BANK1: variants seen among roughly 807,000 people sequenced by gnomAD.
BANK1 encodes the protein B-cell scaffold protein with ankyrin repeats.
BANK1 carries 95 observed loss-of-function variants against 94.5 expected under a neutral mutation model. That is an observed-to-expected ratio of 1.00 (90% CI 0.85 to 1.19). The LOEUF (loss-of-function observed/expected upper bound fraction) is 1.19, where lower values mean the gene tolerates loss of function less well. Among genes scored for constraint, BANK1 ranks in the 50% most tolerant of loss-of-function variants. BANK1 has a pLI of 0.00. For synonymous variants in BANK1, 334 were observed against 308.4 expected, an observed-to-expected ratio of 1.08 and a Z score of -0.87; for missense variants, 987 against 932.2, an observed-to-expected ratio of 1.06 and a Z score of -0.77.
intron 2 of BANK1, among the ~76,000 whole-genome samples, chr4:101,841,089 G>T (rs1390779342): frequency 1.3e-5 from 2 of 152,076 alleles, no homozygotes; most frequent in Non-Finnish European, 1.5e-5. Context: ...ACCTCCCAAA[G>T]TGCTGGGATT....
At chr4:102,035,090 G>T (rs1215858685) in intron 10 of BANK1, among the ~76,000 whole-genome samples, 3 of 152,086 alleles carry the variant, frequency 2.0e-5, no homozygotes, top group Non-Finnish European at 4.4e-5. Context: ...CATCAGTGTG[G>T]GTAGAACAGA....
At chr4:101,999,765 G>A (rs1329931588) in intron 7 of BANK1, among the ~76,000 whole-genome samples, 1 of 152,124 alleles carries the variant, frequency 6.6e-6, no homozygotes, top group African/African-American at 2.4e-5. Context: ...AGTCTTGGAG[G>A]GGGAAAGGAG....
chr4:101,948,425 G>A (rs1018419427), intron 7 of BANK1, among the ~76,000 whole-genome samples: 3 of 152,080 alleles, frequency 2.0e-5, no homozygotes, highest in African/African-American at 4.8e-5. Flanking sequence ...TTGACACTCA[G>A]ATCTGCAAAT....
chr4:101,792,257 C>CA (rs945821321), intron 1 of BANK1, among the ~76,000 whole-genome samples: 1 of 136,938 alleles, frequency 7.3e-6, no homozygotes, highest in African/African-American at 2.6e-5. Context: ...CATTCCGCTC[C>CA]CCCCCCGCCC....
chr4:101,849,926 A>G (rs961032000), intron 2 of BANK1, among the ~76,000 whole-genome samples: 4 of 152,190 alleles, frequency 2.6e-5, no homozygotes, highest in African/African-American at 7.2e-5. Context: ...GATACAAAAT[A>G]CTATATTCTC....
intron 7 of BANK1, among the ~76,000 whole-genome samples, chr4:101,948,597 C>A (rs1386014622): frequency 6.6e-6 from 1 of 152,052 alleles, no homozygotes; most frequent in Non-Finnish European, 1.5e-5. Flanking sequence ...CCTTTTTCTT[C>A]TATCTAAAAT....
Position 101,846,803 on chromosome 4 carries a change from G to A in BANK1, c.470-8232G>A, listed in dbSNP as rs1260060133. On this transcript the variant is annotated intron_variant, in intron 2 of 16. Coordinates refer to ENST00000322953, the MANE Select transcript of BANK1 (RefSeq NM_017935.5). ...CCTTAACACCTGGGGATTACAATTCGAGATGAGATTTGTGTAGGAACACAG... is the reference window on the plus strand; with the variant it reads ...CCTTAACACCTGGGGATTACAATTCAAGATGAGATTTGTGTAGGAACACAG... Among the ~76,000 whole-genome samples the A allele has an allele frequency of 4.6e-5, 7 of 152,124 alleles. No individual in the cohort carries two copies. The South Asian group carries it at 1.0e-3, about 23-fold the overall frequency.
intron 5 of BANK1, among the ~76,000 whole-genome samples, chr4:101,880,639 A>T (rs1728643397): frequency 6.6e-6 from 1 of 152,136 alleles, no homozygotes; most frequent in Non-Finnish European, 1.5e-5. Flanking sequence ...AAGCAAAAGA[A>T]ATTGGATGAA....
chr4:102,018,273 A>G (rs757754666), intron 7 of BANK1, among the ~76,000 whole-genome samples: 11 of 152,194 alleles, frequency 7.2e-5, no homozygotes, highest in Non-Finnish European at 1.5e-4. Flanking sequence ...TACAAGGTCA[A>G]CTTGTCACTC....
chr4:101,857,480 C>A (rs747901186), intron 3 of BANK1, among the ~76,000 whole-genome samples: 4 of 152,116 alleles, frequency 2.6e-5, no homozygotes, highest in African/African-American at 4.8e-5. Context: ...TAGAGAAATT[C>A]TCTTCTTTCT....
chr4:102,035,165 C>T (rs1476865044), intron 10 of BANK1, among the ~76,000 whole-genome samples: 1 of 152,156 alleles, frequency 6.6e-6, no homozygotes, highest in Non-Finnish European at 1.5e-5. Flanking sequence ...ATTTATCCTG[C>T]TTTAAACCAT....
rs148684218 is a variant in BANK1, at chr4:101,904,168, G to A, written c.1009+8758G>A. On this transcript the variant is annotated intron_variant, in intron 6 of 16. Coordinates refer to ENST00000322953, the MANE Select transcript of BANK1 (RefSeq NM_017935.5). ...GTTCACAGTCTTGCTCAGCTAAAAC[G>A]ATAGTAAAGAAACAGTCTTTTAAAT... 1.1e-3 allele frequency among the ~76,000 whole-genome samples: 160 copies of A among 152,304 alleles called. 2 individuals carry two copies. The East Asian group carries it at 0.027, about 25-fold the overall frequency.
Position 101,892,970 on chromosome 4 carries a change from T to C in BANK1, c.904-2335T>C, listed in dbSNP as rs138355273. Among the ~76,000 whole-genome samples, 808 of 152,160 alleles carry C rather than the reference T, an allele frequency of 5.3e-3. 7 individuals are homozygous for C. The highest frequency in any genetic ancestry group is 0.018 in the African/African-American group (740 of 41,556). On this transcript the variant is annotated intron_variant, in intron 5 of 16. Coordinates refer to ENST00000322953, the MANE Select transcript of BANK1 (RefSeq NM_017935.5). ...AGCCATTTCTGTGATTTTTCACATC[T>C]TTGTTTTGTGTTATATACCACTTAT...
intron 10 of BANK1, among the ~76,000 whole-genome samples, chr4:102,032,955 G>A (rs1727373744): frequency 6.6e-6 from 1 of 151,822 alleles, no homozygotes; most frequent in Non-Finnish European, 1.5e-5. Flanking sequence ...TTAACTTATG[G>A]ACAGCATTGT....
chr4:101,997,631 C>T (rs1578444574), intron 7 of BANK1, among the ~76,000 whole-genome samples: 1 of 152,264 alleles, frequency 6.6e-6, no homozygotes, highest in African/African-American at 2.4e-5. Flanking sequence ...GATTCGACTT[C>T]TTCCTGGTTT....
At chr4:101,880,020 G>T (rs972984753) in intron 5 of BANK1, among the ~76,000 whole-genome samples, 2 of 151,966 alleles carry the variant, frequency 1.3e-5, no homozygotes, top group African/African-American at 2.4e-5. Flanking sequence ...TTTTCTCTAA[G>T]ATCTGGAAGA....
chr4:101,982,055 A>T (rs1045814367), intron 7 of BANK1: 2 of 152,120 alleles, frequency 1.3e-5, no homozygotes, highest in African/African-American at 2.4e-5. Flanking sequence ...GCCCCTTGCC[A>T]TGAGGAAGTG....
chr4:101,994,876 C>A (rs538200307), intron 7 of BANK1, among the ~76,000 whole-genome samples: 2 of 152,070 alleles, frequency 1.3e-5, no homozygotes, highest in African/African-American at 4.8e-5. Flanking sequence ...TTTATAACAA[C>A]AACAAAAAAA....
chr4:101,989,905 A>G lies in BANK1; in HGVS notation c.1207-31609A>G, dbSNP rs192258696. Among the ~76,000 whole-genome samples the G allele has an allele frequency of 5.3e-5, 8 of 152,312 alleles. No individual in the cohort carries two copies. In the East Asian group the frequency reaches 1.5e-3, roughly 29 times the overall value. On this transcript the variant is annotated intron_variant, in intron 7 of 16. Coordinates refer to ENST00000322953, the MANE Select transcript of BANK1 (RefSeq NM_017935.5). ...TGTCTTCTAGATTTCTCCACTACAC[A>G]GTTGTTCTTATTCAACCAAAGATAC...
Sources: gnomAD v4.1 joint callset for allele counts (sites outside exome capture counted in the v4.1 genomes callset) on GRCh38, gnomAD v4.1.1 for gene constraint, MANE v1.5 for transcripts, NCBI Gene and HGNC (gene_info 2026-07-23, HGNC 2026-07-21) for gene names.